Variants in PECR observed in about 807,000 individuals in gnomAD.
PECR encodes peroxisomal trans-2-enoyl-CoA reductase.
In PECR, 30 loss-of-function variants were observed where a neutral mutation model predicts 35.3. That is an observed-to-expected ratio of 0.85 (90% CI 0.64 to 1.15). PECR has a LOEUF of 1.15. Ranked by LOEUF, PECR falls within the 50% of genes most tolerant of loss-of-function variation. The pLI is 0.00. For missense variants in PECR, 392 were observed against 370.8 expected (o/e 1.06, Z -0.47); for synonymous variants, 148 against 138.9 (o/e 1.07, Z -0.46).
At chr2:216,030,729 C>T (rs71352149) in intron 7 of PECR, among the ~76,000 whole-genome samples, 81,000 of 145,286 alleles carry the variant, frequency 0.56, 22,617 homozygotes, top group Admixed American at 0.59. Context: ...TTCTTTCTTT[C>T]TTTTTTTTTT....
rs1695858207 is a variant in PECR at position 216,081,711 on chromosome 2, G to T, written c.31C>A (p.Leu11Met). Residue 11 changes from leucine (L) to methionine (M), a missense_variant, in exon 1 of 8, where the codon CTG becomes ATG. Leu to Met is a conservative substitution (Grantham distance 15). Coordinates refer to ENST00000265322, the MANE Select transcript of PECR (RefSeq NM_018441.6). MASWAKGRSY[L>M]APGLLQGQVA... ...TGGCCCTGCAGCAAACCAGGCGCCA[G>T]GTAGCTCCTGCCCTTAGCCCAGGAG... 4 of 1,613,430 alleles carry T rather than the reference G, an allele frequency of 2.5e-6. 1 individual carries two copies. The South Asian group carries it at 4.4e-5, about 18-fold the overall frequency.
rs1387382905 is a variant in PECR at position 216,039,033 on chromosome 2, G to A, written c.*242C>T. On this transcript the variant is annotated 3_prime_UTR_variant, in exon 8 of 8. Transcript: ENST00000265322. ...CAAATACTTTTCTTAGAAATAAAAA[G>A]TAAAGTCATTAAAATATGTTAATTT... 1.4e-5 allele frequency: 5 copies of A among 352,002 alleles called. No individual in the cohort carries two copies. The highest frequency in any genetic ancestry group is 8.4e-5 in the African/African-American group (4 of 47,718). The allele number at this position is 352,002 out of a possible 1,614,324, so 21.8% of individuals were successfully genotyped here. A position where few individuals can be genotyped will look rare whatever the true frequency, so the allele number is the denominator to read the frequency against.
intron 6 of PECR, among the ~76,000 whole-genome samples, chr2:216,047,756 CA>C (rs3841890): frequency 0.11 from 17,337 of 152,058 alleles, 1,422 homozygotes; most frequent in South Asian, 0.21. Context: ...GCAATTTTTG[CA>C]TACATATTTT....
intron 1 of PECR, among the ~76,000 whole-genome samples, chr2:216,074,135 A>G (rs1387606948): frequency 1.3e-5 from 2 of 152,198 alleles, no homozygotes; most frequent in Non-Finnish European, 2.9e-5. Context: ...CATAGGCTCT[A>G]TAGGGCAGGG....
intron 1 of PECR, among the ~76,000 whole-genome samples, chr2:216,073,521 A>G (rs1396811129): frequency 6.6e-6 from 1 of 152,176 alleles, no homozygotes; most frequent in African/African-American, 2.4e-5. Flanking sequence ...CACCCAGAGC[A>G]ACTTCCAGTC....
intron 7 of PECR, among the ~76,000 whole-genome samples, chr2:216,042,917 C>T (rs867118515): frequency 1.7e-4 from 24 of 140,360 alleles, no homozygotes; most frequent in South Asian, 2.3e-4. Flanking sequence ...CCACCACACC[C>T]GACTAACTGT....
chr2:216,042,761 TG>T (rs1694909085), intron 7 of PECR, among the ~76,000 whole-genome samples: 1 of 151,930 alleles, frequency 6.6e-6, no homozygotes, highest in South Asian at 2.1e-4. Context: ...ATAAAACTTC[TG>T]GTTTTTTTTC....
intron 1 of PECR, among the ~76,000 whole-genome samples, chr2:216,074,500 G>T (rs1695650798): frequency 1.4e-5 from 1 of 70,896 alleles, no homozygotes; most frequent in African/African-American, 6.1e-5. Flanking sequence ...AAAAAAGGAA[G>T]GAAGGAAGGA....
Position 216,051,543 on chromosome 2 carries a change from T to G in PECR, c.509A>C (p.His170Pro). 6.3e-7 allele frequency: 1 copy of G among 1,599,044 alleles called. No homozygotes were observed. Among genetic ancestry groups the G allele is most frequent in the South Asian group, 1.1e-5 (1 of 90,792 alleles). ...AACACCTGCTCTTGCAGCTCCAGAATGCCTTTGAAAGACAAAACATAAACA... is the reference window on the plus strand; with the variant it reads ...AACACCTGCTCTTGCAGCTCCAGAAGGCCTTTGAAAGACAAAACATAAACA... ...PTKAGFPLAV[H>P]SGAARAGVYN... Residue 170 changes from histidine to proline, a missense_variant and splice_region_variant, in exon 5 of 8, where the codon CAT becomes CCT. Coordinates refer to ENST00000265322, the MANE Select transcript of PECR (RefSeq NM_018441.6).
intron 1 of PECR, among the ~76,000 whole-genome samples, chr2:216,072,467 T>C (rs933108415): frequency 1.3e-5 from 2 of 152,190 alleles, no homozygotes; most frequent in African/African-American, 4.8e-5. Context: ...ATCCATCACC[T>C]GAATAGTGGC....
downstream of PECR, among the ~76,000 whole-genome samples, chr2:216,036,119 C>T (rs568054061): frequency 2.6e-5 from 4 of 152,310 alleles, no homozygotes; most frequent in African/African-American, 7.2e-5. Context: ...AGGTGACTCA[C>T]CTCCCAGTGA....
At chr2:216,062,289 G>A (rs775540489) in intron 3 of PECR, among the ~76,000 whole-genome samples, 29 of 152,072 alleles carry the variant, frequency 1.9e-4, no homozygotes, top group African/African-American at 5.5e-4. Context: ...CAAGTGATCC[G>A]CCCACCTCGG....
chr2:216,031,409 G>A (rs1286687027), intron 7 of PECR, among the ~76,000 whole-genome samples: 6 of 111,668 alleles, frequency 5.4e-5, no homozygotes, highest in East Asian at 2.7e-4. Flanking sequence ...AGGAAGAAAG[G>A]AAGAAAGGAA....
At chr2:216,031,059 A>C (rs970719130) in intron 7 of PECR, among the ~76,000 whole-genome samples, 2 of 151,828 alleles carry the variant, frequency 1.3e-5, no homozygotes, top group Admixed American at 6.6e-5. Flanking sequence ...TATCTCACTG[A>C]AATATCTGTC....
chr2:216,040,947 TCCCTGCATA>T (rs1390276323), intron 7 of PECR, among the ~76,000 whole-genome samples: 1 of 152,172 alleles, frequency 6.6e-6, no homozygotes, highest in Non-Finnish European at 1.5e-5. Flanking sequence ...ACTGTATGTG[TCCCTGCATA>T]CAGGAACAAA....
intron 6 of PECR, among the ~76,000 whole-genome samples, chr2:216,048,366 C>T (rs187724642): frequency 0.029 from 4,090 of 143,050 alleles, 150 homozygotes; most frequent in African/African-American, 0.094. Context: ...TGAGCCACTG[C>T]GCCTGGCCTT....
At chr2:216,042,638 T>C (rs966773150) in intron 7 of PECR, among the ~76,000 whole-genome samples, 1 of 152,212 alleles carries the variant, frequency 6.6e-6, no homozygotes, top group African/African-American at 2.4e-5. Flanking sequence ...ACTAGGATAC[T>C]GGACTTTGTG....
intron 7 of PECR, among the ~76,000 whole-genome samples, chr2:216,031,461 A>AAGAAAGAAAGAAAG (rs1349053548): frequency 1.5e-5 from 2 of 132,010 alleles, no homozygotes; most frequent in African/African-American, 2.9e-5. Context: ...GAAAGAGAGA[A>AAGAAAGAAAGAAAG]AGAAAGAAAG....
chr2:216,060,304 A>C (rs908120297), intron 3 of PECR, among the ~76,000 whole-genome samples: 16 of 152,164 alleles, frequency 1.1e-4, no homozygotes, highest in African/African-American at 3.4e-4. Context: ...AGTTCTGAAA[A>C]TGTCTACAAG....
Sources: gnomAD v4.1 joint callset for allele counts (sites outside exome capture counted in the v4.1 genomes callset) on GRCh38, gnomAD v4.1.1 for gene constraint, MANE v1.5 for transcripts, NCBI Gene and HGNC (gene_info 2026-07-23, HGNC 2026-07-21) for gene names.